The following MTSS1 variants were observed in gnomAD, a reference collection of about 807,000 sequenced individuals.
MTSS1 encodes the protein protein MTSS 1.
In MTSS1, 18 loss-of-function variants were observed where a neutral mutation model predicts 79.0. The ratio of observed to expected loss-of-function variants is 0.23; its 90% CI spans 0.16 to 0.34. The LOEUF (loss-of-function observed/expected upper bound fraction) is 0.34, where lower values mean the gene tolerates loss of function less well. Among genes scored for constraint, MTSS1 ranks in the 10% least tolerant of loss-of-function variants. The pLI, the probability that MTSS1 is intolerant of heterozygous loss-of-function variation, is 1.00. For missense variants in MTSS1, 815 were observed against 986.2 expected (o/e 0.83, Z 2.33); for synonymous variants, 341 against 368.6 (o/e 0.93, Z 0.86).
At chr8:124,622,459 T>C (rs1813754210) in intron 3 of MTSS1, among the ~76,000 whole-genome samples, 2 of 134,798 alleles carry the variant, frequency 1.5e-5, no homozygotes, top group South Asian at 4.6e-4. Context: ...GCTAAGACAG[T>C]AGATTTTAGG....
chr8:124,618,422 A>G (rs928058603), intron 3 of MTSS1, among the ~76,000 whole-genome samples: 12 of 152,228 alleles, frequency 7.9e-5, no homozygotes, highest in Admixed American at 6.5e-4. Context: ...CATGATCACA[A>G]GACAGATTCC....
intron 1 of MTSS1, among the ~76,000 whole-genome samples, chr8:124,716,564 G>C (rs949299383): frequency 6.6e-6 from 1 of 152,140 alleles, no homozygotes; most frequent in Non-Finnish European, 1.5e-5. Context: ...ATGACCTGAA[G>C]TGTTTGCTAA....
intron 3 of MTSS1, among the ~76,000 whole-genome samples, chr8:124,688,219 G>A (rs1029757724): frequency 1.3e-5 from 2 of 151,716 alleles, no homozygotes; most frequent in Admixed American, 6.6e-5. Flanking sequence ...GTATATATGC[G>A]TGTGTATGTG....
At position 124,565,570 on chromosome 8, in the gene MTSS1, T is replaced by C. The variant is rs79586844; in HGVS notation, c.824+92A>G. On this transcript the variant is annotated intron_variant, in intron 9 of 13. Coordinates refer to ENST00000518547, the MANE Select transcript of MTSS1 (RefSeq NM_014751.6). ...CCATTTCCTGTTTGAGAATGAGCCATTCTAAGAGATAAGGACTGGCTCCAT... is the reference window on the plus strand; with the variant it reads ...CCATTTCCTGTTTGAGAATGAGCCACTCTAAGAGATAAGGACTGGCTCCAT... 1,313 of 1,074,820 alleles carry C rather than the reference T, an allele frequency of 1.2e-3. 15 individuals carry two copies. The African/African-American group carries it at 0.017, about 14-fold the overall frequency. 66.6% of individuals were successfully genotyped at this position (1,074,820 alleles called of 1,614,324 possible). A position where few individuals can be genotyped will look rare whatever the true frequency, so the allele number is the denominator to read the frequency against.
At chr8:124,607,147 G>A (rs924405219) in intron 3 of MTSS1, among the ~76,000 whole-genome samples, 2 of 152,202 alleles carry the variant, frequency 1.3e-5, no homozygotes, top group Non-Finnish European at 1.5e-5. Flanking sequence ...TTCTACGCTC[G>A]TAATATTTGC....
intron 3 of MTSS1, among the ~76,000 whole-genome samples, chr8:124,621,875 T>C (rs1164458386): frequency 6.6e-6 from 1 of 152,136 alleles, no homozygotes; most frequent in Non-Finnish European, 1.5e-5. Context: ...GAGAAATCCT[T>C]ACTAACCCTT....
intron 3 of MTSS1, among the ~76,000 whole-genome samples, chr8:124,689,571 C>A (rs1348175741): frequency 9.9e-5 from 15 of 151,734 alleles, no homozygotes; most frequent in African/African-American, 3.6e-4. Context: ...CATGGAGAAA[C>A]CCCATCTCTA....
At chr8:124,671,177 T>A (rs1824125505) in intron 3 of MTSS1, among the ~76,000 whole-genome samples, 1 of 152,162 alleles carries the variant, frequency 6.6e-6, no homozygotes, top group East Asian at 1.9e-4. Context: ...CTCCCTCAAA[T>A]ACTTTTCTCC....
intron 1 of MTSS1, among the ~76,000 whole-genome samples, chr8:124,717,302 G>A (rs1306352749): frequency 6.6e-6 from 1 of 151,724 alleles, no homozygotes; most frequent in African/African-American, 2.4e-5. Flanking sequence ...GACCAGCCTG[G>A]CCAACATGAC....
rs747967553 is a variant in MTSS1 at position 124,553,112 on chromosome 8, G to C, written c.2148C>G (p.Asp716Glu). The C allele has an allele frequency of 1.2e-6, 2 of 1,614,106 alleles. No individual in the cohort carries two copies. Among genetic ancestry groups the C allele is most frequent in the Admixed American group, 1.7e-5 (1 of 60,008 alleles). ...TATCCCTTGGGCTCAGGTCTGCAGG[G>C]TCACTCTCTGGAATCTGGCCTGGGG... ...TVSPGQIPES[D>E]PADLSPRDTP... The change falls in exon 14 of 14, where the codon GAC becomes GAG. Residue 716 changes from aspartate (D) to glutamate (E), a missense_variant. Physicochemically the swap from Asp to Glu is conservative, Grantham distance 45 (BLOSUM62 2). This residue lies in a region of MTSS1 where 590 missense variants were observed against 620.8 expected (regional missense o/e 0.95). Transcript: ENST00000518547. The surrounding 1 kb of genome is among the most constrained non-coding windows in gnomAD (Gnocchi z 6.0).
chr8:124,567,739 C>T (rs752254836), intron 7 of MTSS1: 53 of 1,517,788 alleles, frequency 3.5e-5, no homozygotes, highest in South Asian at 1.3e-4. Context: ...GACCACGGGC[C>T]GGGCTAGAAC....
chr8:124,705,093 CACCA>C (rs1321676789), intron 1 of MTSS1, among the ~76,000 whole-genome samples: 2 of 152,142 alleles, frequency 1.3e-5, no homozygotes, highest in Non-Finnish European at 2.9e-5. Context: ...TCACACAGCC[CACCA>C]ACCAAGAGGT....
intron 3 of MTSS1, among the ~76,000 whole-genome samples, chr8:124,600,641 G>A (rs1168854824): frequency 6.6e-6 from 1 of 152,166 alleles, no homozygotes; most frequent in Non-Finnish European, 1.5e-5. Context: ...GCTGGGCTGG[G>A]GCATCTGTCC....
chr8:124,693,440 T>C (rs1828280527), intron 3 of MTSS1, among the ~76,000 whole-genome samples: 1 of 152,144 alleles, frequency 6.6e-6, no homozygotes, highest in African/African-American at 2.4e-5. Flanking sequence ...AAAGTGAACT[T>C]CTTGAGTGAC....
intron 6 of MTSS1, among the ~76,000 whole-genome samples, chr8:124,573,412 C>A (rs1051592900): frequency 2.6e-5 from 4 of 152,246 alleles, no homozygotes; most frequent in Non-Finnish European, 5.9e-5. Context: ...AGCACTACCC[C>A]CGGTTTGAAT....
intron 3 of MTSS1, among the ~76,000 whole-genome samples, chr8:124,638,533 C>G (rs780642341): frequency 6.6e-6 from 1 of 152,192 alleles, no homozygotes. Context: ...GGCGGAGATC[C>G]GTGCCCTTCG....
At chr8:124,604,333 T>C (rs1834438446) in intron 3 of MTSS1, among the ~76,000 whole-genome samples, 1 of 152,086 alleles carries the variant, frequency 6.6e-6, no homozygotes, top group South Asian at 2.1e-4. Context: ...AGGCCATGGG[T>C]TGGACAAGCT....
intron 3 of MTSS1, among the ~76,000 whole-genome samples, chr8:124,651,145 C>T (rs765683453): frequency 6.6e-6 from 1 of 152,182 alleles, no homozygotes; most frequent in Non-Finnish European, 1.5e-5. Flanking sequence ...TGTGTACTGT[C>T]GTTCTTTAAA....
chr8:124,709,677 G>C (rs1009531196), intron 1 of MTSS1, among the ~76,000 whole-genome samples: 7 of 152,168 alleles, frequency 4.6e-5, no homozygotes, highest in Non-Finnish European at 8.8e-5. Context: ...AACGGGAAGA[G>C]AAAGCCAGTT....
Sources: allele counts gnomAD v4.1 joint callset (sites outside exome capture counted in the v4.1 genomes callset), GRCh38; gene constraint gnomAD v4.1.1; regional missense constraint gnomAD v4.1.1; non-coding constraint Gnocchi (gnomAD v3.1); transcripts MANE v1.5; gene names NCBI Gene and HGNC (gene_info 2026-07-23, HGNC 2026-07-21).